Variants in PCDH9 observed in about 807,000 individuals in gnomAD.
The protein encoded by PCDH9 is protocadherin 9.
PCDH9 carries 24 observed loss-of-function variants against 70.6 expected under a neutral mutation model. The observed-to-expected ratio is 0.34, with a 90% confidence interval of 0.25 to 0.48. The LOEUF (loss-of-function observed/expected upper bound fraction) is 0.48, where lower values mean the gene tolerates loss of function less well. Ranked by LOEUF, PCDH9 falls within the 20% of genes least tolerant of loss-of-function variation. PCDH9 has a pLI of 0.99. For synonymous variants in PCDH9, 562 were observed against 558.5 expected, an observed-to-expected ratio of 1.01 and a Z score of -0.09; for missense variants, 1,281 against 1,503.6, an observed-to-expected ratio of 0.85 and a Z score of 2.45.
At chr13:66,825,626 C>T (rs891555436) in intron 3 of PCDH9, among the ~76,000 whole-genome samples, 3 of 151,962 alleles carry the variant, frequency 2.0e-5, no homozygotes, top group Admixed American at 6.6e-5. Flanking sequence ...TGAGCCACCG[C>T]GCCCGGCCAA....
chr13:66,467,983 A>G (rs1958547937), intron 4 of PCDH9, among the ~76,000 whole-genome samples: 1 of 152,006 alleles, frequency 6.6e-6, no homozygotes, highest in Non-Finnish European at 1.5e-5. Flanking sequence ...ACACTTTGTC[A>G]TCTGCCCCCT....
chr13:66,845,463 G>C (rs1298284253), intron 3 of PCDH9, among the ~76,000 whole-genome samples: 2 of 152,242 alleles, frequency 1.3e-5, no homozygotes, highest in Non-Finnish European at 2.9e-5. Context: ...CTGAGCCCGT[G>C]TGGGCAGGGA....
At chr13:66,725,518 C>A (rs1430871730) in intron 3 of PCDH9, among the ~76,000 whole-genome samples, 1 of 152,174 alleles carries the variant, frequency 6.6e-6, no homozygotes, top group Admixed American at 6.6e-5. Context: ...CTCCTAGTTA[C>A]CTCCCAGCGA....
chr13:66,914,003 G>T lies in PCDH9; in HGVS notation c.3037-10398C>A, dbSNP rs115549646. ...GAATTGGTGCTTTGAATACCTTTTG[G>T]AATAGTTTAGAATAAATCAGGCCAA... On this transcript the variant is annotated intron_variant, in intron 2 of 4. Transcript: ENST00000377865. Among the ~76,000 whole-genome samples, 948 of 151,832 alleles carry T rather than the reference G, an allele frequency of 6.2e-3. 9 individuals are homozygous for T. Among genetic ancestry groups the T allele is most frequent in the African/African-American group, 0.022 (910 of 41,444 alleles).
chr13:67,164,303 G>A (rs899207640), intron 2 of PCDH9, among the ~76,000 whole-genome samples: 9 of 152,178 alleles, frequency 5.9e-5, no homozygotes, highest in South Asian at 2.1e-4. Context: ...TACGCCGGGC[G>A]CGGTGGCCCA....
chr13:67,225,467 T>C lies in PCDH9; in HGVS notation c.2974A>G (p.Ser992Gly), dbSNP rs773838866. The change falls in exon 2 of 5, where the codon AGT (serine) becomes GGT (glycine). Residue 992 changes from serine (S) to glycine (G), a missense_variant. By Grantham distance (56) the Ser-to-Gly change is moderately conservative (BLOSUM62 0). Transcript: ENST00000377865. The stretch of plus-strand genomic sequence containing the variant: ...CCTTGGGAACTGCACTCTGAGGCAC[T>C]GAAGTGATCTGAACTAGTGGAAGAG... ...KRSSTSSDHFSASECSSQGGF... is the reference protein window; with the variant it reads ...KRSSTSSDHFGASECSSQGGF... The C allele has an allele frequency of 1.2e-6, 2 of 1,614,092 alleles. No homozygotes were observed. The highest frequency in any genetic ancestry group is 1.7e-6 in the Non-Finnish European group (2 of 1,179,954).
chr13:66,484,626 G>C (rs1958907212), intron 4 of PCDH9, among the ~76,000 whole-genome samples: 1 of 152,116 alleles, frequency 6.6e-6, no homozygotes, highest in Non-Finnish European at 1.5e-5. Flanking sequence ...CTCTAACACA[G>C]AGCCCTATAT....
chr13:66,789,798 T>C (rs145937201), intron 3 of PCDH9, among the ~76,000 whole-genome samples: 1 of 152,270 alleles, frequency 6.6e-6, no homozygotes, highest in East Asian at 1.9e-4. Context: ...GAATAGAATT[T>C]TTGTCAGTGT....
At chr13:67,101,019 T>A (rs1377546258) in intron 2 of PCDH9, among the ~76,000 whole-genome samples, 1 of 152,168 alleles carries the variant, frequency 6.6e-6, no homozygotes, top group Non-Finnish European at 1.5e-5. Flanking sequence ...CCATGACCAC[T>A]AGTCTGGAGA....
chr13:66,933,297 A>G (rs1308985846), intron 2 of PCDH9, among the ~76,000 whole-genome samples: 2 of 152,190 alleles, frequency 1.3e-5, no homozygotes, highest in African/African-American at 2.4e-5. Context: ...TAGCATTGTC[A>G]ACAAAGACAA....
At chr13:66,477,618 C>G (rs957368216) in intron 4 of PCDH9, among the ~76,000 whole-genome samples, 6 of 151,992 alleles carry the variant, frequency 3.9e-5, no homozygotes, top group African/African-American at 1.5e-4. Context: ...ATAATAATAC[C>G]TAACTCTGAG....
chr13:66,994,358 C>T lies in PCDH9; in HGVS notation c.3037-90753G>A, dbSNP rs946577504. Among the ~76,000 whole-genome samples, 3 of 152,198 alleles carry T rather than the reference C, an allele frequency of 2.0e-5. No individual in the cohort carries two copies. In the South Asian group the frequency reaches 6.2e-4, roughly 31 times the overall value. On this transcript the variant is annotated intron_variant, in intron 2 of 4. Transcript: ENST00000377865. ...TGCAAAGCCGGACGCAGTAGCTCCCCTCACCCCGCCATTCGGTCTCCCTCT... is the reference window on the plus strand; with the variant it reads ...TGCAAAGCCGGACGCAGTAGCTCCCTTCACCCCGCCATTCGGTCTCCCTCT...
intron 2 of PCDH9, among the ~76,000 whole-genome samples, chr13:66,943,260 T>C (rs1360758969): frequency 6.6e-6 from 1 of 152,052 alleles, no homozygotes; most frequent in Non-Finnish European, 1.5e-5. Flanking sequence ...AATAATTCAC[T>C]CTATCATTTT....
chr13:66,959,426 A>G (rs1462034240), intron 2 of PCDH9, among the ~76,000 whole-genome samples: 3 of 152,198 alleles, frequency 2.0e-5, no homozygotes, highest in Non-Finnish European at 2.9e-5. Context: ...TAAACTTAAT[A>G]ATTGAAATGA....
chr13:66,645,473 G>A (rs1221141957), intron 3 of PCDH9, among the ~76,000 whole-genome samples: 3 of 151,950 alleles, frequency 2.0e-5, no homozygotes, highest in South Asian at 2.1e-4. Flanking sequence ...AACTGCATGC[G>A]AGAGACATTC....
intron 4 of PCDH9, among the ~76,000 whole-genome samples, chr13:66,320,876 T>G (rs553376537): frequency 7.9e-5 from 12 of 152,174 alleles, no homozygotes; most frequent in African/African-American, 2.7e-4. Context: ...ACTAAACAGA[T>G]GATTTTAAGA....
At chr13:66,457,595 C>T (rs1222216540) in intron 4 of PCDH9, among the ~76,000 whole-genome samples, 3 of 151,972 alleles carry the variant, frequency 2.0e-5, no homozygotes, top group African/African-American at 2.4e-5. Context: ...TTTAAAATCC[C>T]AATGCCTAGA....
In PCDH9 at chr13:66,303,700, G is replaced by A. The variant is rs1343935179; in HGVS notation, c.*955C>T. The A allele has an allele frequency of 6.6e-6, 1 of 152,358 alleles. No homozygotes were observed. Among genetic ancestry groups the A allele is most frequent in the Non-Finnish European group, 1.5e-5 (1 of 67,956 alleles). The allele number at this position is 152,358 out of a possible 1,614,324, so 9.4% of individuals were successfully genotyped here. On this transcript the variant is annotated 3_prime_UTR_variant, in exon 5 of 5. Transcript: ENST00000377865. Reference sequence around the variant, plus strand: ...ATTATATCACTTTTGATGGATAACAGTTTTCCATTACTCTCTCACTTAATG... The same window carrying A: ...ATTATATCACTTTTGATGGATAACAATTTTCCATTACTCTCTCACTTAATG...
At chr13:66,571,680 G>A (rs2076735322) in intron 4 of PCDH9, among the ~76,000 whole-genome samples, 1 of 151,994 alleles carries the variant, frequency 6.6e-6, no homozygotes, top group Non-Finnish European at 1.5e-5. Flanking sequence ...TTGCATAAAA[G>A]CTTATGAGAT....
Sources: gnomAD v4.1 joint callset for allele counts (sites outside exome capture counted in the v4.1 genomes callset) on GRCh38, gnomAD v4.1.1 for gene constraint, MANE v1.5 for transcripts, NCBI Gene and HGNC (gene_info 2026-07-23, HGNC 2026-07-21) for gene names.